The following EHF variants were observed in gnomAD, a reference collection of about 807,000 sequenced individuals.
The protein encoded by EHF is ETS homologous factor, also known as ESE3 transcription factor.
EHF carries 14 observed loss-of-function variants against 45.1 expected under a neutral mutation model. The ratio of observed to expected loss-of-function variants is 0.31; its 90% CI spans 0.21 to 0.49. EHF has a LOEUF of 0.49. EHF is among the 20% of genes least tolerant of loss of function. The pLI is 0.99. For synonymous variants in EHF, 136 were observed against 131.8 expected, an observed-to-expected ratio of 1.03 and a Z score of -0.22; for missense variants, 282 against 371.4, an observed-to-expected ratio of 0.76 and a Z score of 1.98.
intron 3 of EHF, among the ~76,000 whole-genome samples, chr11:34,647,594 G>T (rs1854692933): frequency 6.6e-6 from 1 of 152,220 alleles, no homozygotes; most frequent in Non-Finnish European, 1.5e-5. Context: ...TGTCTGCACT[G>T]GAAAAGGCAT....
Position 34,662,187 on chromosome 11 carries a change from A to G in EHF, c.*3256A>G, listed in dbSNP as rs1856125349. On this transcript the variant is annotated 3_prime_UTR_variant, in exon 9 of 9. Coordinates refer to ENST00000257831, the MANE Select transcript of EHF (RefSeq NM_012153.6). ...ACAACACATATTTGTTCAATGAATG[A>G]ATGAATGTCTTCTAAAAGACTCCTC... Among the ~76,000 whole-genome samples, 1 of 152,176 alleles carries G rather than the reference A, an allele frequency of 6.6e-6. No individual in the cohort carries two copies. Among genetic ancestry groups the G allele is most frequent in the Non-Finnish European group, 1.5e-5 (1 of 68,018 alleles).
chr11:34,655,107 T>C (rs1331254030), intron 6 of EHF, among the ~76,000 whole-genome samples: 2 of 152,156 alleles, frequency 1.3e-5, no homozygotes, highest in Non-Finnish European at 2.9e-5. Context: ...GAGTGAAGTC[T>C]CCTTGCATTT....
At position 34,662,443 on chromosome 11, in the gene EHF, T is replaced by C. The variant is rs957087597; in HGVS notation, c.*3512T>C. Reference sequence around the variant, plus strand: ...GCCTTATTGGGAACTGTGAGACTTATCTGGTATGAGAAGCCAGTAATAAAC... The same window carrying C: ...GCCTTATTGGGAACTGTGAGACTTACCTGGTATGAGAAGCCAGTAATAAAC... On this transcript the variant is annotated 3_prime_UTR_variant, in exon 9 of 9. Transcript: ENST00000257831. Among the ~76,000 whole-genome samples, 2 of 152,136 alleles carry C rather than the reference T, an allele frequency of 1.3e-5. No homozygotes were observed. Among genetic ancestry groups the C allele is most frequent in the Non-Finnish European group, 2.9e-5 (2 of 68,006 alleles).
At chr11:34,643,131 G>T (rs1443762376) in intron 2 of EHF, among the ~76,000 whole-genome samples, 16 of 151,672 alleles carry the variant, frequency 1.1e-4, no homozygotes. Flanking sequence ...GAAGGAGAGG[G>T]TTATAGCAGT....
chr11:34,645,712 A>AG (rs1269208180), intron 2 of EHF, among the ~76,000 whole-genome samples: 1 of 152,252 alleles, frequency 6.6e-6, no homozygotes, highest in East Asian at 1.9e-4. Context: ...AGTGAGAGGT[A>AG]GAACACAAGC....
intron 1 of EHF, among the ~76,000 whole-genome samples, chr11:34,641,123 T>A (rs1389272909): frequency 6.6e-6 from 1 of 152,158 alleles, no homozygotes; most frequent in Non-Finnish European, 1.5e-5. Context: ...CCTCCTATCT[T>A]CCCACCCAGT....
intron 6 of EHF, 122 bp from the exon 7 acceptor site, chr11:34,656,786 A>T: frequency 9.3e-7 from 1 of 1,079,956 alleles, no homozygotes; most frequent in Non-Finnish European, 1.3e-6. Flanking sequence ...ACTAGCACAT[A>T]CTCAAAGGTG....
chr11:34,652,832 G>T (rs1280242716), intron 6 of EHF, among the ~76,000 whole-genome samples: 7 of 152,194 alleles, frequency 4.6e-5, no homozygotes, highest in Non-Finnish European at 1.0e-4. Flanking sequence ...ATGAGATGGG[G>T]CTGGGAGCCA....
chr11:34,638,679 G>A (rs943295626), intron 1 of EHF, among the ~76,000 whole-genome samples: 1 of 152,164 alleles, frequency 6.6e-6, no homozygotes, highest in Non-Finnish European at 1.5e-5. Context: ...CCACAGGCCA[G>A]CCCCCACAGA....
At chr11:34,631,891 C>T (rs1397544514) in intron 1 of EHF, among the ~76,000 whole-genome samples, 1 of 152,094 alleles carries the variant, frequency 6.6e-6, no homozygotes, top group Non-Finnish European at 1.5e-5. Context: ...TTTCTCTGCC[C>T]TTGTTAATCT....
chr11:34,643,426 C>A (rs1048087376), intron 2 of EHF, among the ~76,000 whole-genome samples: 3 of 152,146 alleles, frequency 2.0e-5, no homozygotes, highest in African/African-American at 7.2e-5. Context: ...GCTGTGCATC[C>A]AACAGCAGTG....
intron 1 of EHF, chr11:34,631,660 G>A (rs1852900701): frequency 1.3e-6 from 1 of 749,592 alleles, no homozygotes; most frequent in African/African-American, 1.9e-5. Flanking sequence ...TATGCGATGG[G>A]AAAACTGTGG....
At chr11:34,652,004 C>A (rs1224213141) in intron 6 of EHF, among the ~76,000 whole-genome samples, 199 bp downstream of exon 6, 1 of 152,270 alleles carries the variant, frequency 6.6e-6, no homozygotes, top group African/African-American at 2.4e-5. Flanking sequence ...ATCCTCTAGG[C>A]AAAATGTTGG....
chr11:34,654,964 T>G (rs1237566227), intron 6 of EHF, among the ~76,000 whole-genome samples: 1 of 152,192 alleles, frequency 6.6e-6, no homozygotes, highest in African/African-American at 2.4e-5. Flanking sequence ...AATGCCACTC[T>G]TTGTCTGCAG....
intron 1 of EHF, among the ~76,000 whole-genome samples, chr11:34,629,725 C>T (rs982788438): frequency 6.6e-6 from 1 of 152,170 alleles, no homozygotes; most frequent in Non-Finnish European, 1.5e-5. Context: ...CCCCCAATAA[C>T]ATATTCATGG....
At chr11:34,651,426 C>T in intron 4 of EHF, 116 bp from the exon 5 acceptor site, 2 of 785,340 alleles carry the variant, frequency 2.5e-6, no homozygotes, top group Non-Finnish European at 4.3e-6. Context: ...TCCCTTGTCT[C>T]TGAGGACCAC....
chr11:34,657,094 G>C, intron 7 of EHF, 124 bp downstream of exon 7: 1 of 1,161,194 alleles, frequency 8.6e-7, no homozygotes, highest in South Asian at 1.5e-5. Flanking sequence ...TCCCAAACAG[G>C]GTGGAGTGAG....
At chr11:34,638,878 C>G (rs1005492528) in intron 1 of EHF, among the ~76,000 whole-genome samples, 27 of 152,150 alleles carry the variant, frequency 1.8e-4, no homozygotes, top group African/African-American at 6.5e-4. Context: ...CACTTAGGCT[C>G]TGAACTGGGG....
chr11:34,622,511 T>C (rs1852052912), intron 1 of EHF: 5 of 582,204 alleles, frequency 8.6e-6, no homozygotes, highest in Admixed American at 3.5e-5. Flanking sequence ...GGGAAAAATT[T>C]ATTTCTAACA....
Sources: gnomAD v4.1 joint callset for allele counts (sites outside exome capture counted in the v4.1 genomes callset) on GRCh38, gnomAD v4.1.1 for gene constraint, MANE v1.5 for transcripts, NCBI Gene and HGNC (gene_info 2026-07-23, HGNC 2026-07-21) for gene names.